Variants in NGB observed in about 807,000 individuals in gnomAD.
NGB encodes nitrite reductase.
Under a neutral mutation model 17.3 loss-of-function variants are expected in NGB, and 12 were observed. The ratio of observed to expected loss-of-function variants is 0.69; its 90% CI spans 0.45 to 1.13. NGB has a LOEUF of 1.13. Ranked by LOEUF, NGB falls within the 50% of genes most tolerant of loss-of-function variation. NGB has a pLI of 0.00. For missense variants in NGB, 195 were observed against 191.7 expected, an observed-to-expected ratio of 1.02 and a Z score of -0.10; for synonymous variants, 87 against 81.0, an observed-to-expected ratio of 1.07 and a Z score of -0.40.
Position 77,269,247 on chromosome 14 carries a change from A to G in NGB, c.169T>C (p.Ser57Pro). The change falls in exon 2 of 4, where the codon TCC becomes CCC. Residue 57 changes from serine (S) to proline (P), a missense_variant. By Grantham distance (74) the Ser-to-Pro change is moderately conservative. Transcript: ENST00000298352. ...RQFSSPEDCLSSPEFLDHIRK... is the reference protein window; with the variant it reads ...RQFSSPEDCLPSPEFLDHIRK... ...ATGTGGTCCAGGAACTCAGGCGAGG[A>G]GAGACAGTCCTCTGGGCTGGAGAAC... The G allele has an allele frequency of 3.9e-6, 6 of 1,551,464 alleles. No individual in the cohort carries two copies. Among genetic ancestry groups the G allele is most frequent in the Non-Finnish European group, 4.4e-6 (5 of 1,146,726 alleles).
At position 77,269,276 on chromosome 14, in the gene NGB, C is replaced by T. The variant is rs151201675; in HGVS notation, c.140G>A (p.Arg47His). 3.8e-5 allele frequency: 59 copies of T among 1,551,724 alleles called. No homozygotes were observed. The highest frequency in any genetic ancestry group is 4.5e-5 in the Non-Finnish European group (52 of 1,146,998). Residue 47 changes from arginine (R) to histidine (H), a missense_variant, in exon 2 of 4, where the codon CGC (arginine) becomes CAC (histidine). Arg to His is a conservative substitution (Grantham distance 29). Transcript: ENST00000298352. ...DLLPLFQYNC[R>H]QFSSPEDCLS... ...ACAGTCCTCTGGGCTGGAGAACTGG[C>T]GGCAGTTGTACTGGAAGAGGGGCAG...
rs927424903 is a variant in NGB, at chr14:77,268,344, C to T, written c.321+122G>A. 78 of 1,076,804 alleles carry T rather than the reference C, an allele frequency of 7.2e-5. No homozygotes were observed. The Middle Eastern group carries it at 8.6e-4, about 12-fold the overall frequency. 66.7% of individuals were successfully genotyped at this position (1,076,804 alleles called of 1,614,324 possible). A position where few individuals can be genotyped will look rare whatever the true frequency, so the allele number is the denominator to read the frequency against. ...ACACAGCAGGTAACAGATGCAGGCC[C>T]GCAGCCCTGGTTATCTAAGGATATG... On this transcript the variant is annotated intron_variant, in intron 3 of 3. Coordinates refer to ENST00000298352, the MANE Select transcript of NGB (RefSeq NM_021257.4).
At chr14:77,268,357 A>T in intron 3 of NGB, 109 bp downstream of exon 3, 11 of 1,219,080 alleles carry the variant, frequency 9.0e-6, no homozygotes, top group Non-Finnish European at 1.3e-5. Flanking sequence ...AGCCCTGGTT[A>T]TCTAAGGATA....
rs573156999 is a variant in NGB at position 77,270,323 on chromosome 14, T to C, written c.89+526A>G. Among the ~76,000 whole-genome samples the C allele has an allele frequency of 1.9e-3, 283 of 151,306 alleles. 1 individual carries two copies. The highest frequency in any genetic ancestry group is 3.5e-3 in the Admixed American group (54 of 15,236). On this transcript the variant is annotated intron_variant, in intron 1 of 3. Transcript: ENST00000298352. ...CATCTGTCACCCCTTCCCCGGCTGC[T>C]CTCTGGCTCTTTCCTCGGAAAGGTT...
rs764823992 is a variant in NGB at position 77,270,835 on chromosome 14, C to T, written c.89+14G>A. On this transcript the variant is annotated intron_variant, in intron 1 of 3. Transcript: ENST00000298352. ...GCCTCCACCCGCATCCCCGGGCGCTCGTGTAGCCCTCACCTGGCAAACAGG... is the reference window on the plus strand; with the variant it reads ...GCCTCCACCCGCATCCCCGGGCGCTTGTGTAGCCCTCACCTGGCAAACAGG... 18 of 1,563,910 alleles carry T rather than the reference C, an allele frequency of 1.2e-5. No homozygotes were observed. The highest frequency in any genetic ancestry group is 7.0e-5 in the Admixed American group (4 of 57,072).
chr14:77,266,524 CG>C lies in NGB; in HGVS notation c.*11del, dbSNP rs768040023. The C allele has an allele frequency of 8.7e-6, 14 of 1,607,956 alleles. No individual in the cohort carries two copies. The highest frequency in any genetic ancestry group is 5.0e-5 in the Admixed American group (3 of 59,532). On this transcript the variant is annotated 3_prime_UTR_variant, in exon 4 of 4. Transcript: ENST00000298352. ...ACACAGATGGATGGGGGCTGCCGGG[CG>C]GGGTCGCCTCTTACTCGCCATCCCA...
chr14:77,270,008 TG>T lies in NGB; in HGVS notation c.90-683del, dbSNP rs371812120. Among the ~76,000 whole-genome samples the T allele has an allele frequency of 3.6e-3, 547 of 151,668 alleles. 1 individual carries two copies. The highest frequency in any genetic ancestry group is 0.013 in the African/African-American group (517 of 41,358). ...GCGGGTGCCTGAGAAAAAAGTGAGC[TG>T]GGGGGAGTCCGGAGGCAGAAGCAGA... On this transcript the variant is annotated intron_variant, in intron 1 of 3. Transcript: ENST00000298352.
intron 3 of NGB, among the ~76,000 whole-genome samples, chr14:77,268,050 G>A (rs1448141046): frequency 6.6e-6 from 1 of 152,216 alleles, no homozygotes; most frequent in East Asian, 1.9e-4. Flanking sequence ...GACAGGCCTT[G>A]GACATTCTAG....
chr14:77,266,715 C>T, intron 3 of NGB, 45 bp from the exon 4 acceptor site: 1 of 1,601,752 alleles, frequency 6.2e-7, no homozygotes, highest in Non-Finnish European at 8.5e-7. Flanking sequence ...GGCAGAAAGG[C>T]ACTGCTCCAT....
rs533156586 is a variant in NGB, at chr14:77,267,503, T to C, written c.322-833A>G. On this transcript the variant is annotated intron_variant, in intron 3 of 3. Coordinates refer to ENST00000298352, the MANE Select transcript of NGB (RefSeq NM_021257.4). Reference sequence around the variant, plus strand: ...CTGCAGTGAGCTGTGATCACATCACTGTACTCCAGCCTAGGCGACAGAGCA... The same window carrying C: ...CTGCAGTGAGCTGTGATCACATCACCGTACTCCAGCCTAGGCGACAGAGCA... Among the ~76,000 whole-genome samples, 15 of 152,324 alleles carry C rather than the reference T, an allele frequency of 9.8e-5. No individual in the cohort carries two copies. The Middle Eastern group carries it at 0.01, about 104-fold the overall frequency.
Position 77,266,465 on chromosome 14 carries a change from G to T in NGB, c.*71C>A. The T allele has an allele frequency of 6.4e-7, 1 of 1,569,704 alleles. No individual in the cohort carries two copies. Among genetic ancestry groups the T allele is most frequent in the Non-Finnish European group, 8.7e-7 (1 of 1,154,062 alleles). ...ACCAAGATGCAGGGAAGCTTGGGGA[G>T]CCTGGGCTACAACAGATACAGGCCA... On this transcript the variant is annotated 3_prime_UTR_variant, in exon 4 of 4. Transcript: ENST00000298352.
In NGB at chr14:77,270,941, G is replaced by C. The variant is rs760974784; in HGVS notation, c.-4C>G. On this transcript the variant is annotated 5_prime_UTR_variant, in exon 1 of 4. Coordinates refer to ENST00000298352, the MANE Select transcript of NGB (RefSeq NM_021257.4). ...GCTCGGGCTCCGGGCGCTCCATGCTGTCCCGGGGACGCGGAGCGCGGGGCT... is the reference window on the plus strand; with the variant it reads ...GCTCGGGCTCCGGGCGCTCCATGCTCTCCCGGGGACGCGGAGCGCGGGGCT... The C allele has an allele frequency of 5.9e-6, 9 of 1,531,942 alleles. No individual in the cohort carries two copies. The highest frequency in any genetic ancestry group is 7.9e-6 in the Non-Finnish European group (9 of 1,145,140). The allele number at this position is 1,531,942 out of a possible 1,614,324, so 94.9% of individuals were successfully genotyped here.
chr14:77,270,190 G>A (rs1889751534), intron 1 of NGB, among the ~76,000 whole-genome samples: 2 of 152,262 alleles, frequency 1.3e-5, no homozygotes, highest in Admixed American at 1.3e-4. Context: ...TGCCCGGTTG[G>A]TGATAGCGGA....
Position 77,271,010 on chromosome 14 carries a change from A to T in NGB, c.-73T>A. 2 of 1,165,492 alleles carry T rather than the reference A, an allele frequency of 1.7e-6. No homozygotes were observed. The allele number at this position is 1,165,492 out of a possible 1,614,324, so 72.2% of individuals were successfully genotyped here. A position where few individuals can be genotyped will look rare whatever the true frequency, so the allele number is the denominator to read the frequency against. On this transcript the variant is annotated 5_prime_UTR_variant, in exon 1 of 4. An upstream start codon of the reference 5' UTR is lost. Transcript: ENST00000298352. ...GTGCCGTCACCGCACGTGCCGCGCCATCTCCTCCGCGACGCGGTCCCCTCC... is the reference window on the plus strand; with the variant it reads ...GTGCCGTCACCGCACGTGCCGCGCCTTCTCCTCCGCGACGCGGTCCCCTCC...
At chr14:77,267,773 T>A (rs951777826) in intron 3 of NGB, among the ~76,000 whole-genome samples, 3 of 152,182 alleles carry the variant, frequency 2.0e-5, no homozygotes, top group African/African-American at 7.2e-5. Context: ...TGTGGTGTAC[T>A]GTCATATCAG....
At position 77,266,465 on chromosome 14, in the gene NGB, G is replaced by A. The variant is rs998700540; in HGVS notation, c.*71C>T. Reference sequence around the variant, plus strand: ...ACCAAGATGCAGGGAAGCTTGGGGAGCCTGGGCTACAACAGATACAGGCCA... The same window carrying A: ...ACCAAGATGCAGGGAAGCTTGGGGAACCTGGGCTACAACAGATACAGGCCA... On this transcript the variant is annotated 3_prime_UTR_variant, in exon 4 of 4. Coordinates refer to ENST00000298352, the MANE Select transcript of NGB (RefSeq NM_021257.4). 1.3e-6 allele frequency: 2 copies of A among 1,569,586 alleles called. No individual in the cohort carries two copies. Among genetic ancestry groups the A allele is most frequent in the Non-Finnish European group, 1.7e-6 (2 of 1,154,070 alleles).
At chr14:77,269,027 G>C (rs976090424) in intron 2 of NGB, among the ~76,000 whole-genome samples, 188 bp downstream of exon 2, 2 of 152,232 alleles carry the variant, frequency 1.3e-5, no homozygotes, top group African/African-American at 2.4e-5. Context: ...CTGAACGCAG[G>C]GTAGGGGAAG....
At chr14:77,270,770 G>C (rs890843448) in intron 1 of NGB, 79 bp downstream of exon 1, 4 of 1,287,868 alleles carry the variant, frequency 3.1e-6, no homozygotes, top group South Asian at 2.5e-5. Flanking sequence ...TCCCTCCTTC[G>C]GGGCCGGTCC....
rs564290729 is a variant in NGB, at chr14:77,265,514, C to T, written c.*1022G>A. 6.5e-6 allele frequency: 1 copy of T among 152,864 alleles called. No individual in the cohort carries two copies. Among genetic ancestry groups the T allele is most frequent in the East Asian group, 1.9e-4 (1 of 5,202 alleles). The allele number at this position is 152,864 out of a possible 1,614,324, so 9.5% of individuals were successfully genotyped here. A position where few individuals can be genotyped will look rare whatever the true frequency, so the allele number is the denominator to read the frequency against. ...AGGCACACAGAACCAGTTTATTTCT[C>T]ATGAATTTATAGGACCACAGTCAGC... On this transcript the variant is annotated 3_prime_UTR_variant, in exon 4 of 4. Coordinates refer to ENST00000298352, the MANE Select transcript of NGB (RefSeq NM_021257.4). This position sits in a 1 kb window ranked among gnomAD's most constrained non-coding sequence, Gnocchi z 4.7.
Sources: gnomAD v4.1 joint callset for allele counts (sites outside exome capture counted in the v4.1 genomes callset) on GRCh38, gnomAD v4.1.1 for gene constraint, Gnocchi (gnomAD v3.1) non-coding constraint, MANE v1.5 for transcripts, NCBI Gene and HGNC (gene_info 2026-07-23, HGNC 2026-07-21) for gene names.